The following CLRN1 variants were observed in gnomAD, a reference collection of about 807,000 sequenced individuals.
The protein encoded by CLRN1 is clarin 1.
A neutral mutation model predicts 18.7 loss-of-function variants in CLRN1; 15 were observed. The ratio of observed to expected loss-of-function variants is 0.80; its 90% CI spans 0.54 to 1.23. The LOEUF is 1.23. CLRN1 is among the 50% of genes most tolerant of loss of function. The pLI is 0.00. For synonymous variants in CLRN1, 104 were observed against 102.9 expected, an observed-to-expected ratio of 1.01 and a Z score of -0.07; for missense variants, 311 against 277.5, an observed-to-expected ratio of 1.12 and a Z score of -0.86.
intron 1 of CLRN1, among the ~76,000 whole-genome samples, chr3:150,965,560 T>TG (rs1250643612): frequency 1.3e-5 from 2 of 152,160 alleles, no homozygotes; most frequent in Non-Finnish European, 2.9e-5. Context: ...TGAAAGTCCT[T>TG]GGGGAAGATG....
intron 1 of CLRN1, among the ~76,000 whole-genome samples, chr3:150,946,823 T>C (rs2038164517): frequency 6.6e-6 from 1 of 151,456 alleles, no homozygotes; most frequent in Admixed American, 6.6e-5. Flanking sequence ...CATATACATG[T>C]GCCATGCTGG....
At chr3:150,926,384 G>T, downstream of CLRN1, 1 of 272,074 alleles carries the variant, frequency 3.7e-6, no homozygotes, top group South Asian at 4.0e-5. Flanking sequence ...TCACGCAGGA[G>T]ACGGTCCTTG....
intron 2 of CLRN1, among the ~76,000 whole-genome samples, chr3:150,941,210 A>G (rs1463289136): frequency 2.7e-5 from 4 of 149,584 alleles, no homozygotes; most frequent in African/African-American, 9.8e-5. Flanking sequence ...CCATATATAC[A>G]TATATGTATT....
Position 150,940,488 on chromosome 3 carries a change from C to T in CLRN1, c.433+1094G>A, listed in dbSNP as rs774655435. 6 of 1,534,722 alleles carry T rather than the reference C, an allele frequency of 3.9e-6. No individual in the cohort carries two copies. In the South Asian group the frequency reaches 7.2e-5, roughly 18 times the overall value. On this transcript the variant is annotated intron_variant, in intron 2 of 2. Coordinates refer to ENST00000327047, the MANE Select transcript of CLRN1 (RefSeq NM_174878.3). ...TCAAGAGCAAGAAAGTACCTTGAGC[C>T]TGGTGCCTGGTAGCTGGCAGCCAAA...
At chr3:150,955,200 G>A (rs912501925) in intron 1 of CLRN1, among the ~76,000 whole-genome samples, 1 of 152,180 alleles carries the variant, frequency 6.6e-6, no homozygotes, top group African/African-American at 2.4e-5. Context: ...AAAATGATAA[G>A]GACAGAAAAC....
At chr3:150,951,982 G>A (rs1332409390) in intron 1 of CLRN1, among the ~76,000 whole-genome samples, 1 of 152,118 alleles carries the variant, frequency 6.6e-6, no homozygotes, top group African/African-American at 2.4e-5. Context: ...ATTTGGGCAG[G>A]GACGACATCC....
intron 2 of CLRN1, among the ~76,000 whole-genome samples, chr3:150,935,050 G>A (rs1206547398): frequency 9.2e-5 from 14 of 151,968 alleles, no homozygotes; most frequent in East Asian, 1.9e-4. Context: ...ACTCAGTGTC[G>A]TTTGCTGGCT....
At chr3:150,949,264 A>G (rs1232493820) in intron 1 of CLRN1, among the ~76,000 whole-genome samples, 2 of 152,208 alleles carry the variant, frequency 1.3e-5, no homozygotes, top group Admixed American at 6.5e-5. Context: ...CTGAATGGGC[A>G]AAAGGTGGAA....
chr3:150,927,112 C>A lies in CLRN1; in HGVS notation c.*824G>T. 1.4e-6 allele frequency: 1 copy of A among 737,618 alleles called. No homozygotes were observed. The highest frequency in any genetic ancestry group is 2.3e-6 in the Non-Finnish European group (1 of 425,672). 45.7% of individuals were successfully genotyped at this position (737,618 alleles called of 1,614,324 possible). ...CATTTTTCATGATTCCTCAGTGGTC[C>A]TAACAATTATGTTCATTGAAAGTAC... On this transcript the variant is annotated 3_prime_UTR_variant, in exon 3 of 3. Coordinates refer to ENST00000327047, the MANE Select transcript of CLRN1 (RefSeq NM_174878.3).
At chr3:150,951,109 A>G (rs1714461016) in intron 1 of CLRN1, among the ~76,000 whole-genome samples, 1 of 152,122 alleles carries the variant, frequency 6.6e-6, no homozygotes, top group South Asian at 2.1e-4. Context: ...TTACGAACAC[A>G]AAGAAGGAAA....
chr3:150,937,610 A>ATCCT (rs111620200), intron 2 of CLRN1, among the ~76,000 whole-genome samples: 51,277 of 151,892 alleles, frequency 0.34, 8,817 homozygotes, highest in South Asian at 0.4. Flanking sequence ...TATTACTAAA[A>ATCCT]ACCTTGGGAA....
rs553337213 is a variant in CLRN1, at chr3:150,938,804, CA to C, written c.433+2777del. 2.3e-3 allele frequency among the ~76,000 whole-genome samples: 347 copies of C among 152,276 alleles called. 2 individuals are homozygous for C. Among genetic ancestry groups the C allele is most frequent in the Admixed American group, 5.0e-3 (77 of 15,300 alleles). On this transcript the variant is annotated intron_variant, in intron 2 of 2. Transcript: ENST00000327047. ...ACAACAAATTTGAAGGTGGGTGAGA[CA>C]GAATAGAATGCAGGCACAGGTCCTG...
At chr3:150,965,197 A>T (rs1006815814) in intron 1 of CLRN1, among the ~76,000 whole-genome samples, 4 of 152,168 alleles carry the variant, frequency 2.6e-5, no homozygotes, top group African/African-American at 7.2e-5. Context: ...TTGAATCCCA[A>T]GTCTGCTACC....
chr3:150,948,036 A>G (rs979045424), intron 1 of CLRN1, among the ~76,000 whole-genome samples: 1 of 152,218 alleles, frequency 6.6e-6, no homozygotes, highest in Non-Finnish European at 1.5e-5. Context: ...AAGACAAGAA[A>G]TAACCAAAAT....
Position 150,926,945 on chromosome 3 carries a change from A to G in CLRN1, c.*991T>C, listed in dbSNP as rs767552151. ...TGGGTCATGCTTGGTGACAGCCAGA[A>G]CAAGACCAAGATGATACAGTGATAC... On this transcript the variant is annotated 3_prime_UTR_variant, in exon 3 of 3. Coordinates refer to ENST00000327047, the MANE Select transcript of CLRN1 (RefSeq NM_174878.3). The G allele has an allele frequency of 3.7e-6, 6 of 1,612,354 alleles. No homozygotes were observed. The highest frequency in any genetic ancestry group is 5.1e-6 in the Non-Finnish European group (6 of 1,179,040).
intron 1 of CLRN1, among the ~76,000 whole-genome samples, chr3:150,952,149 G>A (rs981874840): frequency 1.1e-4 from 16 of 152,098 alleles, no homozygotes; most frequent in Non-Finnish European, 2.1e-4. Flanking sequence ...AGTGTAGCTC[G>A]TCTTATAGGA....
chr3:150,939,586 C>T (rs963764809), intron 2 of CLRN1, among the ~76,000 whole-genome samples: 3 of 152,168 alleles, frequency 2.0e-5, no homozygotes, highest in Admixed American at 1.3e-4. Context: ...TTCCCCCAGA[C>T]CCCCAAGTTT....
chr3:150,964,998 A>T (rs1715199987), intron 1 of CLRN1, among the ~76,000 whole-genome samples: 1 of 152,218 alleles, frequency 6.6e-6, no homozygotes, highest in Non-Finnish European at 1.5e-5. Context: ...GTGTATACCT[A>T]TGTAACAAAC....
intron 1 of CLRN1, among the ~76,000 whole-genome samples, chr3:150,948,345 G>A (rs562864481): frequency 2.0e-5 from 3 of 151,860 alleles, no homozygotes; most frequent in Non-Finnish European, 4.4e-5. Context: ...TTAGCCGGAC[G>A]TGGTAGCGGG....
Sources: gnomAD v4.1 joint callset for allele counts (sites outside exome capture counted in the v4.1 genomes callset) on GRCh38, gnomAD v4.1.1 for gene constraint, MANE v1.5 for transcripts, NCBI Gene and HGNC (gene_info 2026-07-23, HGNC 2026-07-21) for gene names.